Variants in KDM4B observed in about 807,000 individuals in gnomAD.
KDM4B encodes the protein lysine-specific demethylase 4B.
KDM4B carries 32 observed loss-of-function variants against 125.2 expected under a neutral mutation model. The ratio of observed to expected loss-of-function variants is 0.26; its 90% CI spans 0.19 to 0.34. The LOEUF is 0.34. Ranked by LOEUF, KDM4B falls within the 10% of genes least tolerant of loss-of-function variation. The pLI is 1.00. For synonymous variants in KDM4B, 721 were observed against 677.9 expected (o/e 1.06, Z -0.99); for missense variants, 1,190 against 1,577.7 (o/e 0.75, Z 4.16).
Position 4,969,910 on chromosome 19 carries a change from T to G in KDM4B, c.-109+680T>G, listed in dbSNP as rs780273486. Among the ~76,000 whole-genome samples the G allele has an allele frequency of 3.7e-4, 56 of 152,036 alleles. 1 individual carries two copies. Among genetic ancestry groups the G allele is most frequent in the Admixed American group, 2.0e-4 (3 of 15,278 alleles). On this transcript the variant is annotated intron_variant, in intron 1 of 22. Transcript: ENST00000159111. ...TCTGGATTTTAGAAAAAAATCATCT[T>G]GCTATGCAACGGCAGCCTCCACGAG...
At chr19:5,070,217 G>T (rs1396604317) in intron 6 of KDM4B, among the ~76,000 whole-genome samples, 1 of 152,114 alleles carries the variant, frequency 6.6e-6, no homozygotes, top group African/African-American at 2.4e-5. Context: ...TTGTTTTGCC[G>T]GAGGCCTTGG....
chr19:5,051,092 G>A (rs1037705378), intron 6 of KDM4B, among the ~76,000 whole-genome samples: 5 of 152,050 alleles, frequency 3.3e-5, no homozygotes, highest in East Asian at 3.9e-4. Flanking sequence ...AAACACAGGC[G>A]TCGCCACGAG....
At chr19:5,045,566 C>CT (rs35326942) in intron 5 of KDM4B, among the ~76,000 whole-genome samples, 10,104 of 145,082 alleles carry the variant, frequency 0.07, 424 homozygotes, top group Middle Eastern at 0.14. Flanking sequence ...AATTTTCTTT[C>CT]TTTTTTTTTT....
At chr19:5,119,893 C>A in intron 11 of KDM4B, 41 bp downstream of exon 11, 1 of 1,539,976 alleles carries the variant, frequency 6.5e-7, no homozygotes, top group Non-Finnish European at 8.7e-7. Context: ...GCTGTTTTCC[C>A]ACCCCCGTGG....
intron 2 of KDM4B, among the ~76,000 whole-genome samples, chr19:5,032,639 C>T (rs181724274): frequency 5.9e-5 from 9 of 152,334 alleles, no homozygotes; most frequent in African/African-American, 1.7e-4. Flanking sequence ...GAAACTAGGA[C>T]GCCTCTGCTT....
intron 9 of KDM4B, among the ~76,000 whole-genome samples, chr19:5,084,615 C>A (rs2038428000): frequency 7.1e-6 from 1 of 140,558 alleles, no homozygotes. Context: ...ATATATATAA[C>A]ATAATTTATA....
intron 7 of KDM4B, 127 bp downstream of exon 7, chr19:5,071,186 A>G: frequency 5.1e-6 from 4 of 785,598 alleles, no homozygotes; most frequent in African/African-American, 1.7e-5. Flanking sequence ...GAGTGGTGAC[A>G]TTCTTTGAGC....
intron 11 of KDM4B, among the ~76,000 whole-genome samples, chr19:5,123,317 G>A (rs1436930211): frequency 6.6e-6 from 1 of 152,248 alleles, no homozygotes; most frequent in African/African-American, 2.4e-5. Context: ...CCAGGTGTCA[G>A]CCGGGCTGGC....
chr19:5,091,462 G>A (rs1037290214), intron 9 of KDM4B, among the ~76,000 whole-genome samples: 5 of 152,060 alleles, frequency 3.3e-5, no homozygotes, highest in Admixed American at 2.6e-4. Context: ...ACGATGACTT[G>A]GATTCCCCAG....
chr19:5,096,834 T>C (rs2038836690), intron 9 of KDM4B, among the ~76,000 whole-genome samples: 1 of 150,376 alleles, frequency 6.6e-6, no homozygotes, highest in Admixed American at 6.6e-5. Context: ...CGGTGGTGCG[T>C]GTTGCCGTGG....
At chr19:5,148,936 C>T (rs767709333) in intron 21 of KDM4B, among the ~76,000 whole-genome samples, 40 of 152,208 alleles carry the variant, frequency 2.6e-4, no homozygotes, top group Non-Finnish European at 5.1e-4. Context: ...CACACATCCC[C>T]GAGAGATGTG....
chr19:5,110,666 C>T lies in KDM4B; in HGVS notation c.963C>T (p.Phe321=), dbSNP rs143020439. 1.7e-5 allele frequency: 28 copies of T among 1,612,908 alleles called. No individual in the cohort carries two copies. The highest frequency in any genetic ancestry group is 2.2e-5 in the Non-Finnish European group (26 of 1,179,906). ...KDMVKISMDV[F]VRILQPERYE... ...TGGTCAAGATCTCCATGGACGTGTT[C>T]GTGCGCATCCTGCAGCCCGAGCGCT... The change falls in exon 10 of 23, where the codon TTC becomes TTT. Residue 321 remains phenylalanine (F), a synonymous_variant. Coordinates refer to ENST00000159111, the MANE Select transcript of KDM4B (RefSeq NM_015015.3).
At chr19:5,062,529 G>C (rs2037635651) in intron 6 of KDM4B, among the ~76,000 whole-genome samples, 1 of 152,240 alleles carries the variant, frequency 6.6e-6, no homozygotes, top group African/African-American at 2.4e-5. Context: ...GCACTACCAG[G>C]TCTGTGTGTG....
chr19:5,105,872 C>T (rs929874340), intron 9 of KDM4B, among the ~76,000 whole-genome samples: 2 of 152,356 alleles, frequency 1.3e-5, no homozygotes, highest in African/African-American at 4.8e-5. Context: ...ATGGGCCTGG[C>T]TATGTGCCAA....
chr19:5,080,129 CTT>C (rs1432007909), intron 8 of KDM4B, among the ~76,000 whole-genome samples: 3 of 152,152 alleles, frequency 2.0e-5, no homozygotes, highest in Non-Finnish European at 2.9e-5. Flanking sequence ...AAAAATATAA[CTT>C]AATGCACACT....
At position 5,153,579 on chromosome 19, in the gene KDM4B, G is replaced by C. The variant is rs1228888555; in HGVS notation, c.*2068G>C. On this transcript the variant is annotated 3_prime_UTR_variant, in exon 23 of 23. Transcript: ENST00000159111. Reference sequence around the variant, plus strand: ...GCCTCTAGGTTCATAATGAATTAAAGGTTCATGAACGCTGCGAAACCCCGT... The same window carrying C: ...GCCTCTAGGTTCATAATGAATTAAACGTTCATGAACGCTGCGAAACCCCGT... 6.6e-6 allele frequency: 1 copy of C among 152,266 alleles called. No individual in the cohort carries two copies. Among genetic ancestry groups the C allele is most frequent in the Non-Finnish European group, 1.5e-5 (1 of 68,056 alleles). 9.4% of individuals were successfully genotyped at this position (152,266 alleles called of 1,614,324 possible).
At chr19:4,973,189 CT>C (rs2034321705) in intron 1 of KDM4B, among the ~76,000 whole-genome samples, 1 of 152,142 alleles carries the variant, frequency 6.6e-6, no homozygotes. Flanking sequence ...GTTGCACATA[CT>C]TTTATTTATT....
At chr19:5,099,483 A>T (rs545196082) in intron 9 of KDM4B, among the ~76,000 whole-genome samples, 2 of 152,372 alleles carry the variant, frequency 1.3e-5, no homozygotes, top group South Asian at 4.1e-4. Flanking sequence ...ACCTGCTCTT[A>T]TACAAGGAGC....
chr19:5,147,403 G>A (rs572721058), intron 21 of KDM4B, among the ~76,000 whole-genome samples: 15 of 152,268 alleles, frequency 9.9e-5, no homozygotes, highest in East Asian at 7.7e-4. Flanking sequence ...CAGGGCCAGC[G>A]TCAGGGGAGC....
Sources: gnomAD v4.1 joint callset for allele counts (sites outside exome capture counted in the v4.1 genomes callset) on GRCh38, gnomAD v4.1.1 for gene constraint, MANE v1.5 for transcripts, NCBI Gene and HGNC (gene_info 2026-07-23, HGNC 2026-07-21) for gene names.